Variants in KCTD2 observed in about 807,000 individuals in gnomAD.
KCTD2 encodes the protein potassium channel tetramerization domain containing 2.
In KCTD2, 18 loss-of-function variants were observed where a neutral mutation model predicts 27.9. The ratio of observed to expected loss-of-function variants is 0.64; its 90% CI spans 0.45 to 0.96. KCTD2 has a LOEUF of 0.96. KCTD2 is among the 40% of genes least tolerant of loss of function. The probability of loss-of-function intolerance (pLI) is 0.00; values close to 1 mark genes in which losing one functional copy is unlikely to be tolerated. For synonymous variants in KCTD2, 175 were observed against 148.4 expected (o/e 1.18, Z -1.30); for missense variants, 280 against 348.0 (o/e 0.80, Z 1.56).
intron 3 of KCTD2, among the ~76,000 whole-genome samples, chr17:75,057,856 C>T (rs1015043066): frequency 2.6e-5 from 4 of 151,890 alleles, no homozygotes. Flanking sequence ...TCACTGCACC[C>T]GGCGATCGTT....
chr17:75,042,524 C>T (rs746947469), upstream of KCTD2: 2 of 1,609,638 alleles, frequency 1.2e-6, no homozygotes, highest in Non-Finnish European at 1.7e-6. Context: ...CAGAAACATA[C>T]TGACCTGGAG....
chr17:75,042,810 G>A (rs2073174149), upstream of KCTD2: 3 of 808,678 alleles, frequency 3.7e-6, no homozygotes, highest in Non-Finnish European at 5.7e-6. Context: ...GAACCCAGGA[G>A]GTGGAGGTTG....
Position 75,063,017 on chromosome 17 carries a change from G to C in KCTD2, c.763-1G>C. The C allele has an allele frequency of 6.2e-7, 1 of 1,614,020 alleles. No homozygotes were observed. Among genetic ancestry groups the C allele is most frequent in the Non-Finnish European group, 8.5e-7 (1 of 1,179,984 alleles). ...GCCTCTCCCCCATCTCCAACTTTCA[G>C]ATTCTTCAGGAGAGAGGATCGCGGA... On this transcript the variant is annotated splice_acceptor_variant, in intron 5 of 5. Transcript: ENST00000322444. LOFTEE classifies it high-confidence loss of function.
At chr17:75,039,995 ACTCTT>A in intron 3 of KCTD2, 1 of 1,290,156 alleles carries the variant, frequency 7.8e-7, no homozygotes, top group Non-Finnish European at 1.1e-6. Flanking sequence ...ATGGCTGTTA[ACTCTT>A]CCATTTAATT....
upstream of KCTD2, among the ~76,000 whole-genome samples, chr17:75,043,507 A>C (rs989475837): frequency 4.6e-5 from 7 of 151,716 alleles, no homozygotes; most frequent in Non-Finnish European, 8.8e-5. Flanking sequence ...CAGGTACTCA[A>C]GAGGCTTAGA....
chr17:75,055,864 C>T (rs903302190), intron 3 of KCTD2, among the ~76,000 whole-genome samples: 20 of 150,612 alleles, frequency 1.3e-4, no homozygotes, highest in African/African-American at 4.6e-4. Flanking sequence ...GAAACCCTGT[C>T]TACTAAAAAT....
chr17:75,033,744 G>T (rs114649082), intron 1 of KCTD2, among the ~76,000 whole-genome samples: 4,493 of 152,306 alleles, frequency 0.029, 203 homozygotes, highest in African/African-American at 0.1. Flanking sequence ...AAGTAAGGAT[G>T]GGGGCAGGTC....
chr17:75,048,249 G>A (rs1440444108), intron 1 of KCTD2, among the ~76,000 whole-genome samples: 1 of 152,164 alleles, frequency 6.6e-6, no homozygotes, highest in East Asian at 1.9e-4. Context: ...AAAATTTTGG[G>A]CAGGATGCAT....
chr17:75,050,193 A>C (rs955898618), intron 2 of KCTD2, among the ~76,000 whole-genome samples: 2 of 151,948 alleles, frequency 1.3e-5, no homozygotes, highest in Non-Finnish European at 2.9e-5. Flanking sequence ...ACAATTACCA[A>C]CTCATGGGTG....
chr17:75,035,449 A>G (rs1228411639), intron 3 of KCTD2: 1 of 152,186 alleles, frequency 6.6e-6, no homozygotes, highest in Non-Finnish European at 1.5e-5. Flanking sequence ...CGTGCTCTAC[A>G]AGCTACAATC....
chr17:75,044,689 A>C (rs1458910282), upstream of KCTD2, among the ~76,000 whole-genome samples: 1 of 152,238 alleles, frequency 6.6e-6, no homozygotes, highest in Admixed American at 6.5e-5. Flanking sequence ...AGAAAAATAC[A>C]GAAAACGACT....
At chr17:75,033,642 C>T (rs1232638771) in intron 1 of KCTD2, among the ~76,000 whole-genome samples, 2 of 152,200 alleles carry the variant, frequency 1.3e-5, no homozygotes, top group Non-Finnish European at 2.9e-5. Context: ...AGTCTTCATA[C>T]CCCATGGTCC....
intron 2 of KCTD2, among the ~76,000 whole-genome samples, chr17:75,050,227 T>C (rs957401942): frequency 2.0e-5 from 3 of 152,214 alleles, no homozygotes; most frequent in Non-Finnish European, 4.4e-5. Flanking sequence ...TTATTTTTCT[T>C]TTTTAATTTT....
chr17:75,062,968 T>C, intron 5 of KCTD2, 50 bp from the exon 6 acceptor site: 2 of 1,600,132 alleles, frequency 1.2e-6, no homozygotes, highest in Non-Finnish European at 8.6e-7. Flanking sequence ...CCCCGACATC[T>C]CTGTCTTTCC....
upstream of KCTD2, chr17:75,047,197 A>G: frequency 1.8e-6 from 1 of 542,902 alleles, no homozygotes; most frequent in Non-Finnish European, 2.6e-6. Flanking sequence ...CCCTGCCGAG[A>G]AATGGGCCGG....
intron 3 of KCTD2, among the ~76,000 whole-genome samples, chr17:75,036,865 G>A (rs1377550568): frequency 3.3e-5 from 5 of 152,114 alleles, no homozygotes; most frequent in South Asian, 4.1e-4. Flanking sequence ...TCTCTGCCCA[G>A]TCTTCTTGTT....
chr17:75,038,775 C>A, intron 3 of KCTD2: 1 of 842,478 alleles, frequency 1.2e-6, no homozygotes, highest in Non-Finnish European at 1.8e-6. Flanking sequence ...CTCACCTTTC[C>A]ATTTAAACAA....
chr17:75,038,874 T>G, intron 3 of KCTD2: 1 of 1,547,612 alleles, frequency 6.5e-7, no homozygotes, highest in Non-Finnish European at 8.8e-7. Flanking sequence ...GTATAATTAT[T>G]ATTTTTAATG....
At chr17:75,035,085 G>A (rs1284615898) in intron 2 of KCTD2, 1 of 152,080 alleles carries the variant, frequency 6.6e-6, no homozygotes, top group African/African-American at 2.4e-5. Context: ...CATCAAATTG[G>A]CCTCTCTAGG....
Sources: gnomAD v4.1 joint callset for allele counts (sites outside exome capture counted in the v4.1 genomes callset) on GRCh38, gnomAD v4.1.1 for gene constraint, MANE v1.5 for transcripts, NCBI Gene and HGNC (gene_info 2026-07-23, HGNC 2026-07-21) for gene names.